The following FOXO3 variants were observed in gnomAD, a reference collection of about 807,000 sequenced individuals.
The protein encoded by FOXO3 is forkhead box protein O3.
Under a neutral mutation model 41.9 loss-of-function variants are expected in FOXO3, and 4 were observed. The observed-to-expected ratio is 0.10, with a 90% CI of 0.05 to 0.22. The LOEUF (loss-of-function observed/expected upper bound fraction) is 0.22. Ranked by LOEUF, FOXO3 falls within the 10% of genes least tolerant of loss-of-function variation. The pLI is 1.00. For missense variants in FOXO3, 534 were observed against 906.8 expected (o/e 0.59, Z 5.28); for synonymous variants, 318 against 389.3 (o/e 0.82, Z 2.16).
chr6:108,657,278 C>G (rs1346734994), intron 1 of FOXO3, among the ~76,000 whole-genome samples: 1 of 152,148 alleles, frequency 6.6e-6, no homozygotes, highest in East Asian at 1.9e-4. Context: ...ACATTTGTCC[C>G]TGAAGCTGAA....
intron 1 of FOXO3, among the ~76,000 whole-genome samples, chr6:108,562,159 A>C (rs1295364505): frequency 6.6e-6 from 1 of 151,974 alleles, no homozygotes. Context: ...TCCGCAGCCA[A>C]CTTTGGAGTA....
intron 1 of FOXO3, among the ~76,000 whole-genome samples, chr6:108,565,724 C>T (rs1242785809): frequency 6.6e-6 from 1 of 152,096 alleles, no homozygotes; most frequent in Non-Finnish European, 1.5e-5. Flanking sequence ...TGGCTTCTTG[C>T]CAAGATAAAA....
chr6:108,614,480 C>T (rs550976389), intron 1 of FOXO3, among the ~76,000 whole-genome samples: 22 of 152,218 alleles, frequency 1.4e-4, no homozygotes, highest in African/African-American at 5.1e-4. Context: ...TCTCTTCATC[C>T]TTGGCAGTAT....
At chr6:108,677,079 C>T (rs1308520672) in intron 2 of FOXO3, among the ~76,000 whole-genome samples, 1 of 152,210 alleles carries the variant, frequency 6.6e-6, no homozygotes, top group African/African-American at 2.4e-5. Flanking sequence ...GGGCCAAATC[C>T]TCTACCAATT....
intron 1 of FOXO3, among the ~76,000 whole-genome samples, chr6:108,608,068 G>T (rs1435686581): frequency 6.6e-6 from 1 of 152,120 alleles, no homozygotes; most frequent in East Asian, 1.9e-4. Flanking sequence ...ATCATATAAT[G>T]GTAGAGTTGA....
At chr6:108,561,948 G>C (rs888542817) in intron 1 of FOXO3, 119 bp downstream of exon 1, 1 of 1,390,398 alleles carries the variant, frequency 7.2e-7, no homozygotes, top group African/African-American at 1.5e-5. Flanking sequence ...GGCAGGGGGA[G>C]CCTCCGCTGC....
intron 1 of FOXO3, 87 bp from the exon 2 acceptor site, chr6:108,663,368 A>C: frequency 6.6e-7 from 1 of 1,506,558 alleles, no homozygotes; most frequent in South Asian, 1.4e-5. Flanking sequence ...ATAAAAAATG[A>C]ATGAGGAGTC....
intron 1 of FOXO3, among the ~76,000 whole-genome samples, chr6:108,627,329 G>A (rs1396185542): frequency 2.0e-5 from 3 of 152,060 alleles, no homozygotes; most frequent in Non-Finnish European, 4.4e-5. Context: ...CGTATCACAC[G>A]AGACTCATTT....
At chr6:108,665,151 A>G (rs1779012792) in intron 2 of FOXO3, among the ~76,000 whole-genome samples, 1 of 152,212 alleles carries the variant, frequency 6.6e-6, no homozygotes, top group Non-Finnish European at 1.5e-5. Context: ...GTACGCATTC[A>G]GAGATCGCAT....
intron 1 of FOXO3, among the ~76,000 whole-genome samples, chr6:108,620,671 ATTTTC>A (rs67385066): frequency 0.56 from 84,568 of 151,422 alleles, 26,205 homozygotes; most frequent in East Asian, 0.69. Context: ...AGTAATAACA[ATTTTC>A]TTTTATTTTT....
intron 1 of FOXO3, among the ~76,000 whole-genome samples, chr6:108,627,596 T>A (rs1230013437): frequency 6.6e-6 from 1 of 151,948 alleles, no homozygotes; most frequent in East Asian, 1.9e-4. Flanking sequence ...AAGGGCAGAG[T>A]ACCTTGCAGA....
Position 108,561,948 on chromosome 6 carries a change from G to A in FOXO3, c.621+119G>A, listed in dbSNP as rs888542817. The A allele has an allele frequency of 5.8e-5, 80 of 1,390,398 alleles. 1 individual carries two copies. The highest frequency in any genetic ancestry group is 2.6e-4 in the Middle Eastern group (1 of 3,784). 86.1% of individuals were successfully genotyped at this position (1,390,398 alleles called of 1,614,324 possible). A position where few individuals can be genotyped will look rare whatever the true frequency, so the allele number is the denominator to read the frequency against. On this transcript the variant is annotated intron_variant, in intron 1 of 2. Coordinates refer to ENST00000406360, the MANE Select transcript of FOXO3 (RefSeq NM_001455.4). ...CCAGGGCAAGGGGTTGGCAGGGGGA[G>A]CCTCCGCTGCGAGGCTTTGGGGGTT... is the stretch of plus-strand genomic sequence containing the variant.
At chr6:108,613,348 A>G (rs1406167980) in intron 1 of FOXO3, among the ~76,000 whole-genome samples, 1 of 123,490 alleles carries the variant, frequency 8.1e-6, no homozygotes. Flanking sequence ...CAGTTAAGCC[A>G]TCAGAGCCTG....
intron 2 of FOXO3, among the ~76,000 whole-genome samples, chr6:108,679,479 C>T (rs1352501027): frequency 2.0e-5 from 3 of 152,154 alleles, no homozygotes. Context: ...AAGTCTAGAA[C>T]AGAATCTTAT....
Position 108,663,814 on chromosome 6 carries a change from C to G in FOXO3, c.981C>G (p.Ile327Met), listed in dbSNP as rs779317463. ...ASTVSGRLSPIMASTELDEVQ... is the reference protein window; with the variant it reads ...ASTVSGRLSPMMASTELDEVQ... ...CAGTCAGTGGCCGCCTGTCGCCCAT[C>G]ATGGCAAGCACAGAGTTGGATGAAG... Residue 327 changes from isoleucine (I) to methionine (M), a missense_variant, in exon 2 of 3, where the codon ATC becomes ATG. Ile to Met is a conservative substitution (Grantham distance 10). Transcript: ENST00000406360. 5 of 1,613,936 alleles carry G rather than the reference C, an allele frequency of 3.1e-6. No individual in the cohort carries two copies. Among genetic ancestry groups the G allele is most frequent in the Admixed American group, 1.7e-5 (1 of 60,020 alleles).
chr6:108,568,583 T>G (rs1452741841), intron 1 of FOXO3, among the ~76,000 whole-genome samples: 1 of 152,164 alleles, frequency 6.6e-6, no homozygotes, highest in Non-Finnish European at 1.5e-5. Context: ...GCCAGACAAA[T>G]AAGTGTTTCT....
At chr6:108,648,977 A>G (rs1778468410) in intron 1 of FOXO3, among the ~76,000 whole-genome samples, 1 of 145,244 alleles carries the variant, frequency 6.9e-6, no homozygotes, top group Non-Finnish European at 1.5e-5. Context: ...AGTGCGTTCC[A>G]GCCTGGGTAA....
intron 1 of FOXO3, among the ~76,000 whole-genome samples, chr6:108,583,506 T>C (rs2128360795): frequency 6.6e-6 from 1 of 152,336 alleles, no homozygotes; most frequent in East Asian, 1.9e-4. Context: ...GTGGCTTTAA[T>C]GGGCAGCAGT....
intron 1 of FOXO3, among the ~76,000 whole-genome samples, chr6:108,577,861 A>G (rs756323471): frequency 2.0e-5 from 3 of 152,220 alleles, no homozygotes; most frequent in Non-Finnish European, 4.4e-5. Flanking sequence ...ATTATCACTT[A>G]ACAAACTGTG....
Sources: gnomAD v4.1 joint callset for allele counts (sites outside exome capture counted in the v4.1 genomes callset) on GRCh38, gnomAD v4.1.1 for gene constraint, MANE v1.5 for transcripts, NCBI Gene and HGNC (gene_info 2026-07-23, HGNC 2026-07-21) for gene names.